PTK2: variants seen among roughly 807,000 people sequenced by gnomAD.
PTK2 encodes the protein focal adhesion kinase 1.
A neutral mutation model predicts 150.1 loss-of-function variants in PTK2; 45 were observed. The observed-to-expected ratio is 0.30, with a 90% CI of 0.24 to 0.38. The LOEUF (loss-of-function observed/expected upper bound fraction) is 0.38. Ranked by LOEUF, PTK2 falls within the 10% of genes least tolerant of loss-of-function variation. PTK2 has a pLI of 1.00. For missense variants in PTK2, 919 were observed against 1,307.3 expected, an observed-to-expected ratio of 0.70 and a Z score of 4.58; for synonymous variants, 432 against 449.2, an observed-to-expected ratio of 0.96 and a Z score of 0.48.
intron 30 of PTK2, 44 bp from the exon 35 acceptor site, chr8:140,665,041 G>C (rs770227148): frequency 2.8e-5 from 42 of 1,510,956 alleles, no homozygotes; most frequent in Non-Finnish European, 3.8e-5. Flanking sequence ...ACACACAAAG[G>C]ATTTTTATGC....
chr8:140,738,755 A>G (rs2100053990), intron 21 of PTK2, among the ~76,000 whole-genome samples: 1 of 152,196 alleles, frequency 6.6e-6, no homozygotes, highest in African/African-American at 2.4e-5. Context: ...GAAAGAAGAG[A>G]CAGCAAAGGG....
chr8:140,880,543 T>C (rs2100148573), intron 3 of PTK2, among the ~76,000 whole-genome samples: 1 of 152,176 alleles, frequency 6.6e-6, no homozygotes, highest in African/African-American at 2.4e-5. Context: ...ATCTTTTAGG[T>C]GATAAGACAA....
At chr8:140,980,850 A>G (rs1355938342) in intron 1 of PTK2, among the ~76,000 whole-genome samples, 3 of 149,490 alleles carry the variant, frequency 2.0e-5, no homozygotes, top group African/African-American at 7.4e-5. Context: ...TCCCAGGTTC[A>G]AACGATTCTC....
intron 27 of PTK2, among the ~76,000 whole-genome samples, chr8:140,680,778 A>C (rs1808557137): frequency 6.6e-6 from 1 of 152,194 alleles, no homozygotes; most frequent in Non-Finnish European, 1.5e-5. Context: ...AATGGCTGAT[A>C]ATGCAACCTT....
chr8:140,927,975 A>AAAAATATATATAT, intron 1 of PTK2, among the ~76,000 whole-genome samples: 4 of 48,194 alleles, frequency 8.3e-5, no homozygotes, highest in Admixed American at 3.9e-4. Context: ...AAAAAAAAAA[A>AAAAATATATATAT]ATATATATAT....
chr8:140,879,440 T>C (rs1013936837), intron 4 of PTK2, 31 bp downstream of exon 4: 3 of 1,560,716 alleles, frequency 1.9e-6, no homozygotes, highest in Non-Finnish European at 2.6e-6. Flanking sequence ...AAATCAAGTG[T>C]GCATCACACC....
intron 22 of PTK2, among the ~76,000 whole-genome samples, chr8:140,723,252 G>T (rs2100043997): frequency 1.3e-5 from 2 of 152,192 alleles, no homozygotes; most frequent in South Asian, 4.1e-4. Flanking sequence ...AGTATCACTT[G>T]CATATTATAG....
chr8:140,664,104 C>T (rs2085600078), intron 31 of PTK2, among the ~76,000 whole-genome samples: 1 of 152,140 alleles, frequency 6.6e-6, no homozygotes, highest in Admixed American at 6.5e-5. Context: ...CTGTCTCAGC[C>T]TCCCAAGTAG....
intron 16 of PTK2, among the ~76,000 whole-genome samples, chr8:140,760,245 CAT>C (rs150116644): frequency 6.6e-6 from 1 of 150,816 alleles, no homozygotes; most frequent in Non-Finnish European, 1.5e-5. Flanking sequence ...CAAAACAAAA[CAT>C]ATATATATAT....
intron 22 of PTK2, among the ~76,000 whole-genome samples, chr8:140,726,274 A>G (rs1265454409): frequency 6.6e-6 from 1 of 152,154 alleles, no homozygotes; most frequent in Non-Finnish European, 1.5e-5. Context: ...CCTGAAGGAC[A>G]CCATCAGAAG....
At chr8:140,818,728 T>A in intron 9 of PTK2, 152 bp downstream of exon 9, 1 of 904,902 alleles carries the variant, frequency 1.1e-6, no homozygotes, top group East Asian at 2.9e-5. Context: ...ATTTTCTTTT[T>A]CTATTTTTCA....
At chr8:141,001,259 GC>G (rs2100200164), upstream of PTK2, 1 of 147,514 alleles carries the variant, frequency 6.8e-6, no homozygotes, top group African/African-American at 2.4e-5. Flanking sequence ...CGGCGGCGGC[GC>G]GGGCTCGCGC....
At chr8:140,806,938 C>G (rs1414402093) in intron 10 of PTK2, among the ~76,000 whole-genome samples, 1 of 152,244 alleles carries the variant, frequency 6.6e-6, no homozygotes, top group Non-Finnish European at 1.5e-5. Flanking sequence ...CGCCACCCTA[C>G]TATAGCCCTT....
intron 31 of PTK2, chr8:140,662,727 A>G: frequency 1.7e-6 from 1 of 594,760 alleles, no homozygotes; most frequent in Non-Finnish European, 3.2e-6. Flanking sequence ...CATCCCCTGG[A>G]CATCGTATGT....
At chr8:140,769,645 A>T in intron 14 of PTK2, 53 bp from the exon 16 acceptor site, 6 of 1,236,490 alleles carry the variant, frequency 4.9e-6, no homozygotes, top group Non-Finnish European at 6.5e-6. Flanking sequence ...AGAGGGAGGG[A>T]GACATAGGAA....
chr8:140,771,614 TA>T (rs2100075547), intron 14 of PTK2, among the ~76,000 whole-genome samples: 1 of 152,178 alleles, frequency 6.6e-6, no homozygotes, highest in South Asian at 2.1e-4. Flanking sequence ...CGGGGTATCA[TA>T]AAGAAAGATC....
At chr8:140,895,922 TAA>T (rs1020147994) in intron 2 of PTK2, among the ~76,000 whole-genome samples, 2 of 151,924 alleles carry the variant, frequency 1.3e-5, no homozygotes, top group African/African-American at 4.8e-5. Context: ...AGAACAAAAT[TAA>T]AAGTTACTCT....
At chr8:140,819,336 T>TAA (rs1299208448) in intron 8 of PTK2, among the ~76,000 whole-genome samples, 1 of 152,150 alleles carries the variant, frequency 6.6e-6, no homozygotes, top group Admixed American at 6.5e-5. Flanking sequence ...GCCAAAGGTA[T>TAA]AAAGGTACTT....
chr8:140,851,622 G>A (rs1354050487), intron 5 of PTK2, among the ~76,000 whole-genome samples: 1 of 152,124 alleles, frequency 6.6e-6, no homozygotes, highest in Non-Finnish European at 1.5e-5. Context: ...ACTTTGGGAG[G>A]CCAAGGCAGG....
Sources: allele counts gnomAD v4.1 joint callset (sites outside exome capture counted in the v4.1 genomes callset), GRCh38; gene constraint gnomAD v4.1.1; transcripts MANE v1.5; gene names NCBI Gene and HGNC (gene_info 2026-07-23, HGNC 2026-07-21).